The following SENP1 variants were observed in gnomAD, a reference collection of about 807,000 sequenced individuals.
The protein encoded by SENP1 is SUMO specific peptidase 1.
Under a neutral mutation model 93.0 loss-of-function variants are expected in SENP1, and 21 were observed. That is an observed-to-expected ratio of 0.23 (90% CI 0.16 to 0.33). The LOEUF is 0.33. Ranked by LOEUF, SENP1 falls within the 10% of genes least tolerant of loss-of-function variation. SENP1 has a pLI of 1.00. For synonymous variants in SENP1, 256 were observed against 259.6 expected, an observed-to-expected ratio of 0.99 and a Z score of 0.13; for missense variants, 591 against 758.7, an observed-to-expected ratio of 0.78 and a Z score of 2.60.
At chr12:48,045,639 A>G (rs1390383293) in intron 17 of SENP1, among the ~76,000 whole-genome samples, 2 of 152,138 alleles carry the variant, frequency 1.3e-5, no homozygotes, top group Non-Finnish European at 2.9e-5. Flanking sequence ...CCACGTCTCT[A>G]AGAATTTTGA....
At chr12:48,047,126 G>T in intron 15 of SENP1, 64 bp from the exon 16 acceptor site, 1 of 989,956 alleles carries the variant, frequency 1.0e-6, no homozygotes, top group Non-Finnish European at 1.6e-6. Context: ...GCCACACTAA[G>T]AATGGGGCTG....
At chr12:48,079,925 T>C (rs1480268418) in intron 6 of SENP1, among the ~76,000 whole-genome samples, 2 of 152,232 alleles carry the variant, frequency 1.3e-5, no homozygotes, top group South Asian at 2.1e-4. Context: ...GCTTGACTTA[T>C]GACAACACTG....
Position 48,096,418 on chromosome 12 carries a change from A to T in SENP1, c.145T>A (p.Ser49Thr). The T allele has an allele frequency of 3.1e-6, 5 of 1,606,802 alleles. No homozygotes were observed. Among genetic ancestry groups the T allele is most frequent in the Non-Finnish European group, 4.3e-6 (5 of 1,174,366 alleles). Residue 49 changes from serine to threonine, a missense_variant, in exon 4 of 18, where the codon TCC becomes ACC. Ser to Thr is a moderately conservative substitution (Grantham distance 58). Around this residue, in one of 4 missense-constraint regions of SENP1, gnomAD observed 214 missense variants for 243.4 expected, o/e 0.88. Coordinates refer to ENST00000549518, the MANE Select transcript of SENP1 (RefSeq NM_001267594.2). ...GATCGGTCCAAATGTCCTTGCCTGG[A>T]AGATAAAATCTAAACAAAGCAGAAG... ...LSLSDQQILS[S>T]RQGHLDRSFT...
chr12:48,104,480 T>C (rs925707628), intron 1 of SENP1, among the ~76,000 whole-genome samples: 1 of 152,192 alleles, frequency 6.6e-6, no homozygotes, highest in South Asian at 2.1e-4. Flanking sequence ...TTTTTACATG[T>C]AATCTCTCCC....
chr12:48,093,024 A>G (rs1205362437), intron 4 of SENP1, among the ~76,000 whole-genome samples: 1 of 152,224 alleles, frequency 6.6e-6, no homozygotes, highest in Non-Finnish European at 1.5e-5. Flanking sequence ...AAATGAAGGC[A>G]CACACCCATT....
In SENP1 at chr12:48,065,660, C is replaced by T. The variant is rs1481811295; in HGVS notation, c.1055G>A (p.Arg352Gln). Residue 352 changes from arginine (R) to glutamine (Q), a missense_variant, in exon 11 of 18, where the codon CGA becomes CAA. Physicochemically the swap from Arg to Gln is conservative, Grantham distance 43 (BLOSUM62 1). This residue lies in a region of SENP1 where 238 missense variants were observed against 259.1 expected (regional missense o/e 0.92). Transcript: ENST00000549518. ...AATCTGGCGCAATCTTTCTCGTGCT[C>T]GAGAATCATAAACACTAGTTCTAGA... ...IKELTSVYDS[R>Q]ARERLRQIEE... is the part of the protein sequence containing the mutation. 2 of 1,558,500 alleles carry T rather than the reference C, an allele frequency of 1.3e-6. No homozygotes were observed. Among genetic ancestry groups the T allele is most frequent in the South Asian group, 1.2e-5 (1 of 84,546 alleles).
intron 6 of SENP1, among the ~76,000 whole-genome samples, chr12:48,078,605 C>T (rs980597418): frequency 6.6e-6 from 1 of 151,586 alleles, no homozygotes. Context: ...ACTGCAACCT[C>T]CGCCTCCCGG....
At chr12:48,062,587 A>G (rs1223897970) in intron 13 of SENP1, among the ~76,000 whole-genome samples, 1 of 152,222 alleles carries the variant, frequency 6.6e-6, no homozygotes, top group African/African-American at 2.4e-5. Flanking sequence ...TAAGTTCTAT[A>G]TATCTGATCC....
At position 48,043,012 on chromosome 12, in the gene SENP1, C is replaced by G. The variant is rs1941095227; in HGVS notation, c.*2310G>C. The G allele has an allele frequency of 6.6e-6, 1 of 151,986 alleles. No individual in the cohort carries two copies. Among genetic ancestry groups the G allele is most frequent in the Admixed American group, 6.6e-5 (1 of 15,252 alleles). 9.4% of individuals were successfully genotyped at this position (151,986 alleles called of 1,614,324 possible). On this transcript the variant is annotated 3_prime_UTR_variant, in exon 18 of 18. Coordinates refer to ENST00000549518, the MANE Select transcript of SENP1 (RefSeq NM_001267594.2). ...TTTTTTTTTTCCTGGTCATCAAAGC[C>G]TACCCCTAAACAAAGGGGAAAGTTT... is the stretch of plus-strand genomic sequence containing the variant.
chr12:48,090,624 TCTCA>T (rs1945162490), intron 4 of SENP1, among the ~76,000 whole-genome samples: 1 of 152,156 alleles, frequency 6.6e-6, no homozygotes. Context: ...TGAGGCAGGG[TCTCA>T]CTCTGTTGCC....
At chr12:48,075,342 A>G (rs2137051854) in intron 6 of SENP1, among the ~76,000 whole-genome samples, 1 of 152,348 alleles carries the variant, frequency 6.6e-6, no homozygotes, top group Admixed American at 6.5e-5. Flanking sequence ...ATAATAGTGC[A>G]GAGGAACTAT....
At position 48,048,846 on chromosome 12, in the gene SENP1, T is replaced by C. The variant is rs997484715; in HGVS notation, c.1611+83A>G. 3.0e-6 allele frequency: 3 copies of C among 999,036 alleles called. No homozygotes were observed. In the South Asian group the frequency reaches 4.4e-5, roughly 15 times the overall value. The allele number at this position is 999,036 out of a possible 1,614,324, so 61.9% of individuals were successfully genotyped here. A position where few individuals can be genotyped will look rare whatever the true frequency, so the allele number is the denominator to read the frequency against. On this transcript the variant is annotated intron_variant, in intron 14 of 17. Coordinates refer to ENST00000549518, the MANE Select transcript of SENP1 (RefSeq NM_001267594.2). Reference sequence around the variant, plus strand: ...CTTTCTCTCAATAATCAAGGGAACATGTAGAACTACTACTCACTACCCTCT... The same window carrying C: ...CTTTCTCTCAATAATCAAGGGAACACGTAGAACTACTACTCACTACCCTCT...
chr12:48,072,479 T>A (rs1943773283), intron 8 of SENP1, among the ~76,000 whole-genome samples: 1 of 152,110 alleles, frequency 6.6e-6, no homozygotes, highest in East Asian at 1.9e-4. Context: ...TAGCTGGGCA[T>A]AATGGCTCAC....
intron 1 of SENP1, among the ~76,000 whole-genome samples, chr12:48,104,423 C>T (rs970995798): frequency 1.3e-5 from 2 of 152,008 alleles, no homozygotes; most frequent in African/African-American, 4.8e-5. Flanking sequence ...ATTATGTGTA[C>T]AATAGTTTGT....
At position 48,101,562 on chromosome 12, in the gene SENP1, TACTTC is replaced by T. The variant is rs1945935620; in HGVS notation, c.-44-51_-44-47del. 6.1e-6 allele frequency: 6 copies of T among 986,526 alleles called. No individual in the cohort carries two copies. In the East Asian group the frequency reaches 1.5e-4, roughly 25 times the overall value. The allele number at this position is 986,526 out of a possible 1,614,324, so 61.1% of individuals were successfully genotyped here. ...CAGAAAAATTACATACTGAAACACC[TACTTC>T]ACTTAATTTTAGAAGGTGCAGCCAC... On this transcript the variant is annotated intron_variant, in intron 1 of 17. Coordinates refer to ENST00000549518, the MANE Select transcript of SENP1 (RefSeq NM_001267594.2).
At chr12:48,090,818 G>A (rs1460388951) in intron 4 of SENP1, among the ~76,000 whole-genome samples, 1 of 152,056 alleles carries the variant, frequency 6.6e-6, no homozygotes, top group Non-Finnish European at 1.5e-5. Flanking sequence ...GGCTGGAATC[G>A]AACTCCTGGC....
intron 4 of SENP1, among the ~76,000 whole-genome samples, chr12:48,094,357 G>T (rs548057271): frequency 2.0e-5 from 3 of 152,216 alleles, no homozygotes; most frequent in East Asian, 3.9e-4. Context: ...TCCAACCTGG[G>T]TGACAGAGTG....
chr12:48,104,542 G>C (rs1946312980), intron 1 of SENP1, among the ~76,000 whole-genome samples: 1 of 152,150 alleles, frequency 6.6e-6, no homozygotes, highest in Admixed American at 6.5e-5. Context: ...TAAACCCTAA[G>C]TGTTCAAATT....
At chr12:48,068,317 C>T (rs972633901) in intron 9 of SENP1, among the ~76,000 whole-genome samples, 1 of 152,140 alleles carries the variant, frequency 6.6e-6, no homozygotes, top group African/African-American at 2.4e-5. Flanking sequence ...ATAATTGAGG[C>T]ATATAGTAAT....
Sources: allele counts gnomAD v4.1 joint callset (sites outside exome capture counted in the v4.1 genomes callset), GRCh38; gene constraint gnomAD v4.1.1; regional missense constraint gnomAD v4.1.1; transcripts MANE v1.5; gene names NCBI Gene and HGNC (gene_info 2026-07-23, HGNC 2026-07-21).